Variants in BNC2 observed in about 807,000 individuals in gnomAD.
The protein encoded by BNC2 is basonuclin zinc finger protein 2, also known as zinc finger protein basonuclin-2.
BNC2 carries 20 observed loss-of-function variants against 76.3 expected under a neutral mutation model. The observed-to-expected ratio is 0.26, with a 90% CI of 0.18 to 0.38. The LOEUF (loss-of-function observed/expected upper bound fraction) is 0.38, where lower values mean the gene tolerates loss of function less well. BNC2 is among the 10% of genes least tolerant of loss of function. The pLI, the probability that BNC2 is intolerant of heterozygous loss-of-function variation, is 1.00. For missense variants in BNC2, 1,382 were observed against 1,399.8 expected (o/e 0.99, Z 0.20); for synonymous variants, 582 against 514.8 (o/e 1.13, Z -1.77).
At chr9:16,627,101 T>A (rs1237299302) in intron 3 of BNC2, among the ~76,000 whole-genome samples, 2 of 152,188 alleles carry the variant, frequency 1.3e-5, no homozygotes, top group Non-Finnish European at 2.9e-5. Context: ...CCAGTTGAGC[T>A]AATTGTCAGA....
Position 16,513,920 on chromosome 9 carries a change from C to A in BNC2, c.669+38610G>T, listed in dbSNP as rs1587118719. On this transcript the variant is annotated intron_variant, in intron 5 of 6. Transcript: ENST00000380672. ...TTAGGCTGTTATTCCACCCTACGCT[C>A]GTGTTTATGCCCTATGAGATTAAAT... 2.6e-5 allele frequency among the ~76,000 whole-genome samples: 4 copies of A among 152,098 alleles called. No homozygotes were observed. In the South Asian group the frequency reaches 8.3e-4, roughly 32 times the overall value.
At chr9:16,606,259 A>T (rs143584768) in intron 3 of BNC2, among the ~76,000 whole-genome samples, 1 of 151,892 alleles carries the variant, frequency 6.6e-6, no homozygotes, top group African/African-American at 2.4e-5. Flanking sequence ...TTTTTAAAGG[A>T]TTAGCTTTAA....
At chr9:16,706,250 T>C (rs1823669764) in intron 3 of BNC2, among the ~76,000 whole-genome samples, 1 of 152,246 alleles carries the variant, frequency 6.6e-6, no homozygotes, top group Non-Finnish European at 1.5e-5. Context: ...TTCCAGATTG[T>C]CTTTTTCTGA....
At chr9:16,832,120 T>A (rs528736028) in intron 1 of BNC2, 1 of 270,606 alleles carries the variant, frequency 3.7e-6, no homozygotes, top group African/African-American at 2.3e-5. Flanking sequence ...AATACTGCAA[T>A]GCAGCTTCCT....
chr9:16,738,132 G>A (rs1057029580), intron 2 of BNC2, among the ~76,000 whole-genome samples: 6 of 152,204 alleles, frequency 3.9e-5, no homozygotes, highest in East Asian at 1.9e-4. Flanking sequence ...ACTTTATCAC[G>A]TTCAAAATCA....
At chr9:16,613,827 T>C (rs1444621987) in intron 3 of BNC2, among the ~76,000 whole-genome samples, 1 of 152,220 alleles carries the variant, frequency 6.6e-6, no homozygotes, top group Non-Finnish European at 1.5e-5. Context: ...GGGCATGTCA[T>C]GGAAGACTGC....
At chr9:16,779,135 G>GAAAAC (rs1192683609) in intron 1 of BNC2, among the ~76,000 whole-genome samples, 4 of 73,492 alleles carry the variant, frequency 5.4e-5, no homozygotes, top group African/African-American at 1.7e-4. Context: ...AAAAAAAAAA[G>GAAAAC]AAAAGAAAAG....
At chr9:16,867,361 G>A (rs1819567984) in intron 1 of BNC2, 1 of 151,800 alleles carries the variant, frequency 6.6e-6, no homozygotes. Flanking sequence ...AATCTTACCT[G>A]CAATTTAGTA....
At chr9:16,565,278 G>A (rs1206185080) in intron 4 of BNC2, among the ~76,000 whole-genome samples, 1 of 152,050 alleles carries the variant, frequency 6.6e-6, no homozygotes, top group Non-Finnish European at 1.5e-5. Flanking sequence ...TCCTTAACCT[G>A]GGTCAGAAGA....
At chr9:16,421,250 G>A in intron 6 of BNC2, 1 of 1,298,312 alleles carries the variant, frequency 7.7e-7, no homozygotes, top group Non-Finnish European at 1.0e-6. Flanking sequence ...CACTTAGGAA[G>A]GCTGAGCTTA....
chr9:16,630,030 G>T (rs1381968799), intron 3 of BNC2, among the ~76,000 whole-genome samples: 1 of 152,162 alleles, frequency 6.6e-6, no homozygotes, highest in African/African-American at 2.4e-5. Context: ...TTTCAAAATT[G>T]GAGTCAATTC....
At chr9:16,500,247 C>T (rs970802581) in intron 5 of BNC2, among the ~76,000 whole-genome samples, 1 of 152,112 alleles carries the variant, frequency 6.6e-6, no homozygotes, top group African/African-American at 2.4e-5. Context: ...TCTGATGTGT[C>T]TCATTAAGCC....
intron 2 of BNC2, among the ~76,000 whole-genome samples, chr9:16,729,324 T>C (rs1276840202): frequency 6.6e-6 from 1 of 152,220 alleles, no homozygotes. Context: ...TTCAACCACC[T>C]ACAAATATCG....
At chr9:16,647,220 C>G (rs756840674) in intron 3 of BNC2, among the ~76,000 whole-genome samples, 2 of 152,110 alleles carry the variant, frequency 1.3e-5, no homozygotes, top group Admixed American at 1.3e-4. Flanking sequence ...TAACTCCACT[C>G]TTTGTTGCAA....
At chr9:16,563,306 C>G (rs1423501389) in intron 4 of BNC2, among the ~76,000 whole-genome samples, 1 of 152,094 alleles carries the variant, frequency 6.6e-6, no homozygotes, top group Non-Finnish European at 1.5e-5. Flanking sequence ...CAACATGCCT[C>G]TAAACTGAAG....
intron 3 of BNC2, chr9:16,726,744 G>A (rs1202633194): frequency 6.6e-6 from 1 of 152,156 alleles, no homozygotes; most frequent in African/African-American, 2.4e-5. Context: ...AACTTGCTTT[G>A]TGTGGGTTTG....
At position 16,614,352 on chromosome 9, in the gene BNC2, G is replaced by C. The variant is rs530369948; in HGVS notation, c.331-31267C>G. ...CCTCCAAAATCCAAGACAGTACCTA[G>C]CACAGAGTTAGCAATCAACACATGT... On this transcript the variant is annotated intron_variant, in intron 3 of 6. Coordinates refer to ENST00000380672, the MANE Select transcript of BNC2 (RefSeq NM_017637.6). 7.9e-5 allele frequency among the ~76,000 whole-genome samples: 12 copies of C among 152,018 alleles called. No homozygotes were observed. The South Asian group carries it at 2.5e-3, about 32-fold the overall frequency.
intron 3 of BNC2, chr9:16,704,691 TAAA>T (rs149042840): frequency 8.1e-6 from 1 of 124,080 alleles, no homozygotes; most frequent in African/African-American, 3.0e-5. Flanking sequence ...TTTTTTTTTT[TAAA>T]AAAAAAAAAA....
intron 3 of BNC2, among the ~76,000 whole-genome samples, chr9:16,678,996 G>A (rs1039361137): frequency 6.6e-6 from 1 of 152,140 alleles, no homozygotes; most frequent in African/African-American, 2.4e-5. Flanking sequence ...CAACATGGAT[G>A]GGCCCAAAGT....
Sources: gnomAD v4.1 joint callset for allele counts (sites outside exome capture counted in the v4.1 genomes callset) on GRCh38, gnomAD v4.1.1 for gene constraint, MANE v1.5 for transcripts, NCBI Gene and HGNC (gene_info 2026-07-23, HGNC 2026-07-21) for gene names.